SH3PXD2A: variants seen among roughly 807,000 people sequenced by gnomAD.
SH3PXD2A encodes the protein SH3 and PX domains 2A.
In SH3PXD2A, 32 loss-of-function variants were observed where a neutral mutation model predicts 115.2. That is an observed-to-expected ratio of 0.28 (90% CI 0.21 to 0.37). SH3PXD2A has a LOEUF of 0.37. Among genes scored for constraint, SH3PXD2A ranks in the 10% least tolerant of loss-of-function variants. The pLI, the probability that SH3PXD2A is intolerant of heterozygous loss-of-function variation, is 1.00. For missense variants in SH3PXD2A, 1,328 were observed against 1,498.7 expected (o/e 0.89, Z 1.88); for synonymous variants, 610 against 629.1 (o/e 0.97, Z 0.45).
intron 13 of SH3PXD2A, among the ~76,000 whole-genome samples, chr10:103,611,039 C>T (rs1404010973): frequency 6.6e-6 from 1 of 152,252 alleles, no homozygotes; most frequent in Non-Finnish European, 1.5e-5. Flanking sequence ...AGGGTCTGGA[C>T]ACCAGGAAAC....
At chr10:103,727,788 C>G (rs2038259691) in intron 4 of SH3PXD2A, among the ~76,000 whole-genome samples, 1 of 152,202 alleles carries the variant, frequency 6.6e-6, no homozygotes, top group African/African-American at 2.4e-5. Context: ...AACGGGGAGC[C>G]CTGAGGGGAG....
At position 103,602,598 on chromosome 10, in the gene SH3PXD2A, CCTG is replaced by C; in HGVS notation, c.2617_2619del (p.Gln873del). ...AACCTCACATACCACCACCCGCTCT[CCTG>C]CTTCTCCAGCACCTGCACCTCCACG... On this transcript the variant is annotated inframe_deletion, in exon 15 of 15. Transcript: ENST00000369774. 1.2e-6 allele frequency: 2 copies of C among 1,614,194 alleles called. No homozygotes were observed. The highest frequency in any genetic ancestry group is 1.7e-6 in the Non-Finnish European group (2 of 1,180,048).
At chr10:103,653,152 C>T (rs1493171) in intron 8 of SH3PXD2A, among the ~76,000 whole-genome samples, 133,540 of 152,204 alleles carry the variant, frequency 0.88, 58,684 homozygotes, top group East Asian at 1. Flanking sequence ...GTTTACTTGT[C>T]ACATGTCTCT....
In SH3PXD2A at chr10:103,597,655, T is replaced by C. The variant is rs538430156; in HGVS notation, c.*4161A>G. Reference sequence around the variant, plus strand: ...CCACCCACCTGTTCCACAGCTAGGATTCCTTCAGCACCCCGCTCCCTGCCT... The same window carrying C: ...CCACCCACCTGTTCCACAGCTAGGACTCCTTCAGCACCCCGCTCCCTGCCT... On this transcript the variant is annotated 3_prime_UTR_variant, in exon 15 of 15. Coordinates refer to ENST00000369774, the MANE Select transcript of SH3PXD2A (RefSeq NM_001394015.1). 1.3e-5 allele frequency: 2 copies of C among 152,762 alleles called. No individual in the cohort carries two copies. Among genetic ancestry groups the C allele is most frequent in the African/African-American group, 4.8e-5 (2 of 41,572 alleles). The allele number at this position is 152,762 out of a possible 1,614,324, so 9.5% of individuals were successfully genotyped here.
chr10:103,787,940 G>C (rs1372322918), intron 2 of SH3PXD2A, among the ~76,000 whole-genome samples: 1 of 152,146 alleles, frequency 6.6e-6, no homozygotes, highest in Non-Finnish European at 1.5e-5. Context: ...ATAATTAGCA[G>C]ATAGAGCCAA....
At chr10:103,850,286 C>A (rs1380787077) in intron 1 of SH3PXD2A, among the ~76,000 whole-genome samples, 2 of 152,152 alleles carry the variant, frequency 1.3e-5, no homozygotes, top group African/African-American at 4.8e-5. Flanking sequence ...GGTTTGCCCC[C>A]CAAAAGCCCT....
intron 2 of SH3PXD2A, among the ~76,000 whole-genome samples, chr10:103,775,823 C>T (rs562180589): frequency 7.6e-4 from 115 of 152,174 alleles, no homozygotes; most frequent in African/African-American, 2.7e-3. Context: ...AGCAGTGTGA[C>T]GAGATGGAGA....
chr10:103,641,396 G>A (rs915842937), intron 8 of SH3PXD2A, among the ~76,000 whole-genome samples: 10 of 152,126 alleles, frequency 6.6e-5, no homozygotes, highest in African/African-American at 1.4e-4. Context: ...CCCCAGGTCC[G>A]TGAAATCTTA....
chr10:103,651,549 T>C (rs1172354881), intron 8 of SH3PXD2A, among the ~76,000 whole-genome samples: 1 of 152,202 alleles, frequency 6.6e-6, no homozygotes, highest in Non-Finnish European at 1.5e-5. Context: ...CCTGGTCAAA[T>C]GGCAGTGACT....
chr10:103,759,545 A>G (rs1160686013), intron 3 of SH3PXD2A, among the ~76,000 whole-genome samples: 1 of 152,242 alleles, frequency 6.6e-6, no homozygotes, highest in Non-Finnish European at 1.5e-5. Flanking sequence ...GGGACCTCGC[A>G]CAGCCTTTGC....
rs551492628 is a variant in SH3PXD2A at position 103,722,577 on chromosome 10, C to T, written c.398+1693G>A. Among the ~76,000 whole-genome samples the T allele has an allele frequency of 1.6e-4, 24 of 150,280 alleles. No homozygotes were observed. The South Asian group carries it at 2.1e-3, about 13-fold the overall frequency. On this transcript the variant is annotated intron_variant, in intron 5 of 14. Coordinates refer to ENST00000369774, the MANE Select transcript of SH3PXD2A (RefSeq NM_001394015.1). ...TTGGCTTCTCAAAGTGCTGGGATTACAGGTGTGAGCCAATATGCCTAGCTT... is the reference window on the plus strand; with the variant it reads ...TTGGCTTCTCAAAGTGCTGGGATTATAGGTGTGAGCCAATATGCCTAGCTT...
Position 103,595,812 on chromosome 10 carries a change from A to G in SH3PXD2A, c.*6004T>C, listed in dbSNP as rs1268550626. On this transcript the variant is annotated 3_prime_UTR_variant, in exon 15 of 15. Transcript: ENST00000369774. Reference sequence around the variant, plus strand: ...AGGCAGGCTGGGATCAAGACCTTGGAAGGTAGGGCTCTCCACCCAGTCTGT... The same window carrying G: ...AGGCAGGCTGGGATCAAGACCTTGGGAGGTAGGGCTCTCCACCCAGTCTGT... 1 of 152,610 alleles carries G rather than the reference A, an allele frequency of 6.6e-6. No homozygotes were observed. The highest frequency in any genetic ancestry group is 2.4e-5 in the African/African-American group (1 of 41,424). 9.5% of individuals were successfully genotyped at this position (152,610 alleles called of 1,614,324 possible).
At chr10:103,766,667 C>T (rs1230653715) in intron 3 of SH3PXD2A, among the ~76,000 whole-genome samples, 3 of 152,214 alleles carry the variant, frequency 2.0e-5, no homozygotes, top group South Asian at 2.1e-4. Flanking sequence ...TAAGCCTCCT[C>T]TTCCATATAA....
intron 5 of SH3PXD2A, among the ~76,000 whole-genome samples, chr10:103,707,078 G>A (rs1382512805): frequency 6.6e-6 from 1 of 152,150 alleles, no homozygotes; most frequent in East Asian, 1.9e-4. Context: ...GGACTACAGT[G>A]TCTATGGCCT....
intron 1 of SH3PXD2A, among the ~76,000 whole-genome samples, chr10:103,852,988 C>T (rs1045752864): frequency 2.0e-5 from 3 of 152,156 alleles, no homozygotes; most frequent in Admixed American, 1.3e-4. Flanking sequence ...GATGAGTCTT[C>T]GGGTCTCTGC....
chr10:103,832,370 GAA>G (rs58886791), intron 1 of SH3PXD2A, among the ~76,000 whole-genome samples: 1 of 128,034 alleles, frequency 7.8e-6, no homozygotes, highest in Non-Finnish European at 1.7e-5. Flanking sequence ...AACCTAAAAA[GAA>G]AAAAAAAAAA....
chr10:103,784,880 C>T lies in SH3PXD2A; in HGVS notation c.153+16402G>A, dbSNP rs961752607. ...GGTGGAGGCACATGTGTGGCTTACA[C>T]GCAGAGACACCTGGGAGCGGCAGCC... On this transcript the variant is annotated intron_variant, in intron 2 of 14. Transcript: ENST00000369774. This position sits in a 1 kb window ranked among gnomAD's most constrained non-coding sequence, Gnocchi z 4.4. Among the ~76,000 whole-genome samples the T allele has an allele frequency of 6.6e-6, 1 of 152,144 alleles. No homozygotes were observed. The highest frequency in any genetic ancestry group is 2.4e-5 in the African/African-American group (1 of 41,426).
In SH3PXD2A at chr10:103,596,823, A is replaced by C. The variant is rs2036143584; in HGVS notation, c.*4993T>G. On this transcript the variant is annotated 3_prime_UTR_variant, in exon 15 of 15. Coordinates refer to ENST00000369774, the MANE Select transcript of SH3PXD2A (RefSeq NM_001394015.1). ...GATATACGCCAAGGGAGAGACCCGCACAGGGCACAGTCCCATTCCAGGCAC... is the reference window on the plus strand; with the variant it reads ...GATATACGCCAAGGGAGAGACCCGCCCAGGGCACAGTCCCATTCCAGGCAC... The C allele has an allele frequency of 6.6e-6, 1 of 152,604 alleles. No homozygotes were observed. Among genetic ancestry groups the C allele is most frequent in the Non-Finnish European group, 1.5e-5 (1 of 68,046 alleles). 9.5% of individuals were successfully genotyped at this position (152,604 alleles called of 1,614,324 possible).
chr10:103,614,341 A>T (rs940195363), intron 11 of SH3PXD2A, among the ~76,000 whole-genome samples: 6 of 152,242 alleles, frequency 3.9e-5, no homozygotes, highest in Admixed American at 6.5e-5. Context: ...ACCATATAGC[A>T]GAATTAACAA....
Sources: gnomAD v4.1 joint callset for allele counts (sites outside exome capture counted in the v4.1 genomes callset) on GRCh38, gnomAD v4.1.1 for gene constraint, Gnocchi (gnomAD v3.1) non-coding constraint, MANE v1.5 for transcripts, NCBI Gene and HGNC (gene_info 2026-07-23, HGNC 2026-07-21) for gene names.